The following SLC24A2 variants were observed in gnomAD, a reference collection of about 807,000 sequenced individuals.
The protein encoded by SLC24A2 is sodium/potassium/calcium exchanger 2.
In SLC24A2, 36 loss-of-function variants were observed where a neutral mutation model predicts 62.0. That is an observed-to-expected ratio of 0.58 (90% CI 0.44 to 0.77). The LOEUF (loss-of-function observed/expected upper bound fraction) is 0.77, where lower values mean the gene tolerates loss of function less well. Among genes scored for constraint, SLC24A2 ranks in the 30% least tolerant of loss-of-function variants. The probability of loss-of-function intolerance (pLI) is 0.00; values close to 1 mark genes in which losing one functional copy is unlikely to be tolerated. For missense variants in SLC24A2, 846 were observed against 817.9 expected, an observed-to-expected ratio of 1.03 and a Z score of -0.42; for synonymous variants, 358 against 294.0, an observed-to-expected ratio of 1.22 and a Z score of -2.23.
intron 2 of SLC24A2, among the ~76,000 whole-genome samples, chr9:19,784,072 TTAAGGGA>T (rs1268487617): frequency 2.0e-5 from 3 of 152,110 alleles, no homozygotes; most frequent in Non-Finnish European, 4.4e-5. Context: ...ATAACAAGGG[TTAAGGGA>T]TGACAACCTG....
chr9:19,879,710 T>C, the SLC24A2 span, among the ~76,000 whole-genome samples: 1 of 152,160 alleles, frequency 6.6e-6, no homozygotes, highest in African/African-American at 2.4e-5. Context: ...TCTATCACTG[T>C]TCCCTCCTCC....
chr9:20,166,516 G>T, the SLC24A2 span, among the ~76,000 whole-genome samples: 1 of 151,842 alleles, frequency 6.6e-6, no homozygotes, highest in Non-Finnish European at 1.5e-5. Context: ...ATTATTTCCA[G>T]GATACCTTAT....
the SLC24A2 span, among the ~76,000 whole-genome samples, chr9:20,267,706 T>A: frequency 6.6e-6 from 1 of 152,212 alleles, no homozygotes; most frequent in African/African-American, 2.4e-5. Context: ...CTTGGCGTAT[T>A]GCAGGACTAC....
chr9:20,041,128 AAGAG>A, the SLC24A2 span, among the ~76,000 whole-genome samples: 14 of 152,296 alleles, frequency 9.2e-5, no homozygotes, highest in African/African-American at 1.4e-4. Context: ...AGGAGAGAGA[AAGAG>A]AGAGAGTGCG....
chr9:20,172,899 C>G, the SLC24A2 span, among the ~76,000 whole-genome samples: 1 of 151,202 alleles, frequency 6.6e-6, no homozygotes. Context: ...AACTACAGAC[C>G]AATATCTTAA....
At chr9:20,231,925 T>C in the SLC24A2 span, among the ~76,000 whole-genome samples, 2 of 152,342 alleles carry the variant, frequency 1.3e-5, no homozygotes, top group Admixed American at 1.3e-4. Context: ...ATCTAATTTA[T>C]TGAGAGTTTT....
At chr9:20,241,189 A>C in the SLC24A2 span, among the ~76,000 whole-genome samples, 2 of 152,242 alleles carry the variant, frequency 1.3e-5, no homozygotes, top group African/African-American at 2.4e-5. Flanking sequence ...GTTAACACTG[A>C]AGTTTTCTTA....
rs1563918000 is a variant in SLC24A2 at position 19,510,432 on chromosome 9, T to TTTTTTTTTTTTTTTTTTTTTG, written c.*5720_*5721insCAAAAAAAAAAAAAAAAAAAA. The TTTTTTTTTTTTTTTTTTTTTG allele has an allele frequency of 1.3e-4, 14 of 105,360 alleles. No homozygotes were observed. The highest frequency in any genetic ancestry group is 1.9e-4 in the Non-Finnish European group (10 of 52,116). The allele number at this position is 105,360 out of a possible 1,614,324, so 6.5% of individuals were successfully genotyped here. A position where few individuals can be genotyped will look rare whatever the true frequency, so the allele number is the denominator to read the frequency against. On this transcript the variant is annotated 3_prime_UTR_variant, in exon 11 of 11. Coordinates refer to ENST00000341998, the MANE Select transcript of SLC24A2 (RefSeq NM_020344.4). Reference sequence around the variant, plus strand: ...AGAGTGCCCAGATGCAGTTACTTTTTGCCAAAAAAAAAAAAAAAAAAAAAA... The same window carrying TTTTTTTTTTTTTTTTTTTTTG: ...AGAGTGCCCAGATGCAGTTACTTTTTTTTTTTTTTTTTTTTTTTTTGGCCAAAAAAAAAAAAAAAAAAAAAA...
chr9:20,141,974 C>G, the SLC24A2 span, among the ~76,000 whole-genome samples: 2 of 151,826 alleles, frequency 1.3e-5, no homozygotes, highest in Non-Finnish European at 1.5e-5. Context: ...TCCCAGCTAA[C>G]TGGGAGGCTG....
chr9:20,218,653 A>G, the SLC24A2 span, among the ~76,000 whole-genome samples: 1 of 152,204 alleles, frequency 6.6e-6, no homozygotes, highest in Non-Finnish European at 1.5e-5. Flanking sequence ...GATGTTGAAT[A>G]TGGTAGTCAT....
chr9:19,933,815 G>T, the SLC24A2 span, among the ~76,000 whole-genome samples: 1 of 152,266 alleles, frequency 6.6e-6, no homozygotes, highest in Admixed American at 6.5e-5. Flanking sequence ...CCTGGTGCAT[G>T]CGACCATGGG....
At chr9:19,568,509 A>G (rs1835744001) in intron 7 of SLC24A2, among the ~76,000 whole-genome samples, 1 of 152,268 alleles carries the variant, frequency 6.6e-6, no homozygotes, top group Admixed American at 6.5e-5. Context: ...AGCAGTGCTT[A>G]TAATGTGCCA....
chr9:19,560,275 G>A (rs1835325210), intron 7 of SLC24A2, among the ~76,000 whole-genome samples: 5 of 151,932 alleles, frequency 3.3e-5, no homozygotes, highest in Non-Finnish European at 1.5e-5. Context: ...CCTACTGACT[G>A]TTATAGACTG....
the SLC24A2 span, among the ~76,000 whole-genome samples, chr9:19,861,959 T>C: frequency 6.6e-6 from 1 of 152,064 alleles, no homozygotes; most frequent in Non-Finnish European, 1.5e-5. Context: ...GAGAATAGCT[T>C]CAAAAGGGCA....
At chr9:20,243,210 A>T in the SLC24A2 span, among the ~76,000 whole-genome samples, 142 of 152,254 alleles carry the variant, frequency 9.3e-4, 1 homozygote, top group African/African-American at 3.1e-3. Flanking sequence ...ACAATTTTTA[A>T]AAAAATTATA....
the SLC24A2 span, among the ~76,000 whole-genome samples, chr9:20,276,364 A>C: frequency 1.3e-5 from 2 of 152,216 alleles, no homozygotes; most frequent in Non-Finnish European, 2.9e-5. Flanking sequence ...AAGCTCCAAA[A>C]TGATCTCCTT....
the SLC24A2 span, among the ~76,000 whole-genome samples, chr9:20,066,375 G>C: frequency 6.6e-6 from 1 of 152,132 alleles, no homozygotes; most frequent in South Asian, 2.1e-4. Context: ...AGCTTTGAGG[G>C]AGAGAGAAGA....
chr9:20,228,227 T>G, the SLC24A2 span, among the ~76,000 whole-genome samples: 1 of 152,118 alleles, frequency 6.6e-6, no homozygotes, highest in African/African-American at 2.4e-5. Context: ...AATTTCCTCT[T>G]AGTAGAAGAG....
the SLC24A2 span, among the ~76,000 whole-genome samples, chr9:19,829,327 C>T: frequency 6.6e-6 from 1 of 152,072 alleles, no homozygotes; most frequent in Non-Finnish European, 1.5e-5. Flanking sequence ...TAGCTTCCCC[C>T]ACTCAGAGGT....
Sources: allele counts gnomAD v4.1 joint callset (sites outside exome capture counted in the v4.1 genomes callset), GRCh38; gene constraint gnomAD v4.1.1; transcripts MANE v1.5; gene names NCBI Gene and HGNC (gene_info 2026-07-23, HGNC 2026-07-21).